Variants in ADAR observed in about 807,000 individuals in gnomAD.
The protein encoded by ADAR is adenosine deaminase RNA specific, also known as double-stranded RNA-specific adenosine deaminase.
In ADAR, 41 loss-of-function variants were observed where a neutral mutation model predicts 113.2. That is an observed-to-expected ratio of 0.36 (90% CI 0.28 to 0.47). The LOEUF (loss-of-function observed/expected upper bound fraction) is 0.47. Among genes scored for constraint, ADAR ranks in the 20% least tolerant of loss-of-function variants. The probability of loss-of-function intolerance (pLI) is 1.00; values close to 1 mark genes in which losing one functional copy is unlikely to be tolerated. For synonymous variants in ADAR, 605 were observed against 572.6 expected (o/e 1.06, Z -0.81); for missense variants, 1,242 against 1,540.9 (o/e 0.81, Z 3.25).
At chr1:154,591,882 T>C (rs553867636) in intron 6 of ADAR, among the ~76,000 whole-genome samples, 1 of 152,286 alleles carries the variant, frequency 6.6e-6, no homozygotes, top group Non-Finnish European at 1.5e-5. Context: ...AAGTTCAGAA[T>C]GAGAGGGACA....
intron 1 of ADAR, chr1:154,606,027 A>T: frequency 1.1e-6 from 1 of 893,468 alleles, no homozygotes; most frequent in Non-Finnish European, 1.3e-6. Context: ...TTCTTGTGAG[A>T]CGGAGTCTCG....
At chr1:154,592,842 T>C (rs1467458554) in intron 6 of ADAR, among the ~76,000 whole-genome samples, 1 of 151,688 alleles carries the variant, frequency 6.6e-6, no homozygotes, top group East Asian at 1.9e-4. Context: ...AGCATTTAGA[T>C]ATTAAAGGTC....
rs1385503857 is a variant in ADAR at position 154,588,687 on chromosome 1, G to A, written c.2763-14C>T. Reference sequence around the variant, plus strand: ...CTGTAGAGAAACCTACAAAAAGAAAGTCTGGTTAGGAAGGCAGGTTCAATT... The same window carrying A: ...CTGTAGAGAAACCTACAAAAAGAAAATCTGGTTAGGAAGGCAGGTTCAATT... On this transcript the variant is annotated splice_polypyrimidine_tract_variant and intron_variant, in intron 9 of 14. Coordinates refer to ENST00000368474, the MANE Select transcript of ADAR (RefSeq NM_001111.5). 2 of 1,614,002 alleles carry A rather than the reference G, an allele frequency of 1.2e-6. No individual in the cohort carries two copies. The highest frequency in any genetic ancestry group is 2.7e-5 in the African/African-American group (2 of 74,936).
intron 6 of ADAR, among the ~76,000 whole-genome samples, chr1:154,591,733 C>G (rs1697162757): frequency 6.6e-6 from 1 of 152,238 alleles, no homozygotes; most frequent in Non-Finnish European, 1.5e-5. Flanking sequence ...CAAGACTTAG[C>G]AGCTCAGGCA....
At chr1:154,598,618 A>C (rs1482120032) in intron 2 of ADAR, 33 bp from the exon 3 acceptor site, 2 of 1,608,474 alleles carry the variant, frequency 1.2e-6, no homozygotes, top group Non-Finnish European at 1.7e-6. Context: ...TGTGAACAGG[A>C]GTCTAGGTCA....
chr1:154,585,329 T>C lies in ADAR; in HGVS notation c.3331A>G (p.Ile1111Val), dbSNP rs536100209. 4 of 1,614,152 alleles carry C rather than the reference T, an allele frequency of 2.5e-6. No homozygotes were observed. Among genetic ancestry groups the C allele is most frequent in the Non-Finnish European group, 3.4e-6 (4 of 1,180,032 alleles). Residue 1111 changes from isoleucine (I) to valine (V), a missense_variant, in exon 14 of 15, where the codon ATA (isoleucine) becomes GTA (valine). Around this residue, in one of 2 missense-constraint regions of ADAR, gnomAD observed 780 missense variants for 1,057.9 expected, o/e 0.74. Transcript: ENST00000368474. ...VNHPKVGRVS[I>V]YDSKRQSGKT... is the part of the protein sequence containing the mutation. ...CCGGATTGCCTTTTGGAATCATATATGCTGACTCTGCCAACCTAGGAATCC... is the reference window on the plus strand; with the variant it reads ...CCGGATTGCCTTTTGGAATCATATACGCTGACTCTGCCAACCTAGGAATCC...
chr1:154,596,825 G>A lies in ADAR; in HGVS notation c.2250C>T (p.Ser750=), dbSNP rs746605003. The change falls in exon 6 of 15, where the codon TCC becomes TCT. Residue 750 remains serine, a synonymous_variant. Transcript: ENST00000368474. ...FAAEFKLVDQ[S]GPPHEPKFVY... is the part of the protein sequence containing the mutation. ...CTCACTTGGGCTCGTGAGGAGGTCC[G>A]GACTGGTCGACCAACTTGAATTCAG... is the stretch of plus-strand genomic sequence containing the variant. 41 of 1,613,324 alleles carry A rather than the reference G, an allele frequency of 2.5e-5. No homozygotes were observed. The highest frequency in any genetic ancestry group is 4.0e-5 in the African/African-American group (3 of 74,870).
At chr1:154,595,669 A>G (rs1697445270) in intron 6 of ADAR, among the ~76,000 whole-genome samples, 1 of 152,100 alleles carries the variant, frequency 6.6e-6, no homozygotes, top group Non-Finnish European at 1.5e-5. Flanking sequence ...ATAAAGTAAA[A>G]ATAAAGTAAA....
At chr1:154,607,739 A>G (rs1230528779) in intron 1 of ADAR, among the ~76,000 whole-genome samples, 10 of 151,472 alleles carry the variant, frequency 6.6e-5, no homozygotes, top group African/African-American at 1.5e-4. Context: ...ACACGCACAC[A>G]CACACACACA....
chr1:154,601,840 C>A lies in ADAR; in HGVS notation c.802G>T (p.Gly268Ter), dbSNP rs1697899724. ...AAACCTGGGTCTGAGTTTGGGGATC[C>A]TTGGCTATGACTGTCTGGTCTTACC... Reference protein sequence around the residue: ...GVVRPDSHSQGSPNSDPGLEP... With the variant: ...GVVRPDSHSQ The change falls in exon 2 of 15, where the codon GGA (glycine) becomes TGA (stop). Residue 268 changes from glycine to a stop codon, truncating the protein, a stop_gained. Coordinates refer to ENST00000368474, the MANE Select transcript of ADAR (RefSeq NM_001111.5). LOFTEE classifies it high-confidence loss of function. This position sits in a 1 kb window ranked among gnomAD's most constrained non-coding sequence, Gnocchi z 4.7. The A allele has an allele frequency of 6.2e-7, 1 of 1,614,102 alleles. No homozygotes were observed. Among genetic ancestry groups the A allele is most frequent in the South Asian group, 1.1e-5 (1 of 91,092 alleles).
chr1:154,613,904 CAAAAAAAA>C (rs1553216901), intron 1 of ADAR, among the ~76,000 whole-genome samples: 1 of 124,268 alleles, frequency 8.0e-6, no homozygotes, highest in Non-Finnish European at 1.6e-5. Flanking sequence ...AACTCCATCT[CAAAAAAAA>C]AAAAAAAGAA....
intron 1 of ADAR, among the ~76,000 whole-genome samples, chr1:154,625,657 G>A (rs1412739984): frequency 2.0e-5 from 3 of 152,124 alleles, no homozygotes; most frequent in Non-Finnish European, 4.4e-5. Flanking sequence ...TCAGGAGTTC[G>A]AGACCAGCCT....
intron 3 of ADAR, 99 bp downstream of exon 3, chr1:154,598,303 T>C (rs1215960044): frequency 7.6e-7 from 1 of 1,308,064 alleles, no homozygotes; most frequent in Non-Finnish European, 1.1e-6. Flanking sequence ...GACTCCGAGA[T>C]GGTGTCAGTT....
At chr1:154,597,027 T>C in intron 5 of ADAR, 32 bp from the exon 6 acceptor site, 1 of 1,614,108 alleles carries the variant, frequency 6.2e-7, no homozygotes, top group Non-Finnish European at 8.5e-7. Context: ...AGAGGAGCCA[T>C]AAACACTTCA....
In ADAR at chr1:154,586,488, C is replaced by T; in HGVS notation, c.3020-125G>A. On this transcript the variant is annotated intron_variant, in intron 11 of 14. Coordinates refer to ENST00000368474, the MANE Select transcript of ADAR (RefSeq NM_001111.5). ...CATTCATTCTTCACATATTTCACAG[C>T]CCCTGCTATGCGCCAGGCACTATGC... is the stretch of plus-strand genomic sequence containing the variant. The T allele has an allele frequency of 3.0e-6, 3 of 1,009,172 alleles. No individual in the cohort carries two copies. In the Admixed American group the frequency reaches 6.0e-5, roughly 20 times the overall value. 62.5% of individuals were successfully genotyped at this position (1,009,172 alleles called of 1,614,324 possible).
rs1427850338 is a variant in ADAR at position 154,583,844 on chromosome 1, T to A, written c.*962A>T. 6.6e-6 allele frequency: 1 copy of A among 152,232 alleles called. No homozygotes were observed. Among genetic ancestry groups the A allele is most frequent in the Non-Finnish European group, 1.5e-5 (1 of 68,038 alleles). 9.4% of individuals were successfully genotyped at this position (152,232 alleles called of 1,614,324 possible). A position where few individuals can be genotyped will look rare whatever the true frequency, so the allele number is the denominator to read the frequency against. On this transcript the variant is annotated 3_prime_UTR_variant, in exon 15 of 15. Coordinates refer to ENST00000368474, the MANE Select transcript of ADAR (RefSeq NM_001111.5). The stretch of plus-strand genomic sequence containing the variant: ...ATTTTTTGCCCTTATTCTTGCTAAG[T>A]CATGATTATCTGAGCAGAGATGATT...
chr1:154,596,796 G>T lies in ADAR; in HGVS notation c.2270+9C>A. On this transcript the variant is annotated intron_variant, in intron 6 of 14. Coordinates refer to ENST00000368474, the MANE Select transcript of ADAR (RefSeq NM_001111.5). ...TGACACATGCATTAGCCAGGACTAGGACACTCACTTGGGCTCGTGAGGAGG... is the reference window on the plus strand; with the variant it reads ...TGACACATGCATTAGCCAGGACTAGTACACTCACTTGGGCTCGTGAGGAGG... 1 of 1,612,536 alleles carries T rather than the reference G, an allele frequency of 6.2e-7. No homozygotes were observed. Among genetic ancestry groups the T allele is most frequent in the Non-Finnish European group, 8.5e-7 (1 of 1,179,988 alleles).
rs533513102 is a variant in ADAR at position 154,592,332 on chromosome 1, C to G, written c.2271-1923G>C. On this transcript the variant is annotated intron_variant, in intron 6 of 14. Coordinates refer to ENST00000368474, the MANE Select transcript of ADAR (RefSeq NM_001111.5). ...GCTATAATTGATTCTCGCTGCAACT[C>G]CAGCCCTTTGGAATACTTATCAAAT... 1.1e-4 allele frequency among the ~76,000 whole-genome samples: 17 copies of G among 152,334 alleles called. No homozygotes were observed. In the South Asian group the frequency reaches 3.5e-3, roughly 32 times the overall value.
At chr1:154,603,844 G>A (rs1175083527) in intron 1 of ADAR, among the ~76,000 whole-genome samples, 5 of 152,156 alleles carry the variant, frequency 3.3e-5, no homozygotes, top group Admixed American at 3.3e-4. Flanking sequence ...CACAGGTAGA[G>A]GTGGGACCCT....
Sources: gnomAD v4.1 joint callset for allele counts (sites outside exome capture counted in the v4.1 genomes callset) on GRCh38, gnomAD v4.1.1 for gene constraint, gnomAD v4.1.1 regional missense constraint, Gnocchi (gnomAD v3.1) non-coding constraint, MANE v1.5 for transcripts, NCBI Gene and HGNC (gene_info 2026-07-23, HGNC 2026-07-21) for gene names.